The following SLC25A26 variants were observed in gnomAD, a reference collection of about 807,000 sequenced individuals.
SLC25A26 encodes the protein solute carrier family 25 member 26, also known as mitochondrial S-adenosylmethionine carrier protein.
In SLC25A26, 36 loss-of-function variants were observed where a neutral mutation model predicts 37.8. The observed-to-expected ratio is 0.95, with a 90% CI of 0.73 to 1.26. The LOEUF (loss-of-function observed/expected upper bound fraction) is 1.26, where lower values mean the gene tolerates loss of function less well. Ranked by LOEUF, SLC25A26 falls within the 50% of genes most tolerant of loss-of-function variation. SLC25A26 has a pLI of 0.00. For missense variants in SLC25A26, 390 were observed against 331.1 expected, an observed-to-expected ratio of 1.18 and a Z score of -1.38; for synonymous variants, 129 against 122.5, an observed-to-expected ratio of 1.05 and a Z score of -0.35.
intron 3 of SLC25A26, among the ~76,000 whole-genome samples, chr3:66,249,423 G>A (rs1203141955): frequency 6.6e-6 from 1 of 152,216 alleles, no homozygotes; most frequent in African/African-American, 2.4e-5. Context: ...CATAGATGCT[G>A]TGTGGTGTTT....
intron 3 of SLC25A26, among the ~76,000 whole-genome samples, chr3:66,247,106 C>T (rs1372343663): frequency 6.6e-6 from 1 of 151,954 alleles, no homozygotes; most frequent in Non-Finnish European, 1.5e-5. Context: ...CTTCGTGATC[C>T]GCCCACCTCA....
At chr3:66,315,719 G>T (rs1430934342) in intron 5 of SLC25A26, among the ~76,000 whole-genome samples, 1 of 152,120 alleles carries the variant, frequency 6.6e-6, no homozygotes, top group East Asian at 1.9e-4. Flanking sequence ...GGGTATTAAA[G>T]TCTCCCACTA....
chr3:66,209,693 A>G (rs1220771400), intron 1 of SLC25A26, among the ~76,000 whole-genome samples: 1 of 138,678 alleles, frequency 7.2e-6, no homozygotes, highest in Non-Finnish European at 1.5e-5. Flanking sequence ...ATATATAGGT[A>G]TATATAAATA....
At chr3:66,371,263 G>A (rs557814651) in intron 9 of SLC25A26, 94 of 1,547,322 alleles carry the variant, frequency 6.1e-5, no homozygotes, top group East Asian at 3.2e-4. Flanking sequence ...GCAGAGGGTC[G>A]GTCGGCAGCT....
chr3:66,280,230 T>G (rs897549571), intron 5 of SLC25A26, among the ~76,000 whole-genome samples: 2 of 152,212 alleles, frequency 1.3e-5, no homozygotes, highest in Non-Finnish European at 2.9e-5. Context: ...TCTTACCACA[T>G]TATTTTTCTG....
rs984238179 is a variant in SLC25A26, at chr3:66,297,336, A to G, written c.453+33957A>G. ...ACAGTGAAACTCCATCTCAAAAAAAAAAAAAAAAAAAAGAATGTCTGGCAT... is the reference window on the plus strand; with the variant it reads ...ACAGTGAAACTCCATCTCAAAAAAAGAAAAAAAAAAAAGAATGTCTGGCAT... On this transcript the variant is annotated intron_variant, in intron 5 of 9. Transcript: ENST00000354883. Among the ~76,000 whole-genome samples the G allele has an allele frequency of 3.6e-4, 54 of 152,014 alleles. 1 individual carries two copies. The South Asian group carries it at 9.6e-3, about 27-fold the overall frequency.
At chr3:66,230,968 A>G (rs2071998166) in intron 1 of SLC25A26, among the ~76,000 whole-genome samples, 1 of 152,194 alleles carries the variant, frequency 6.6e-6, no homozygotes, top group Non-Finnish European at 1.5e-5. Flanking sequence ...TGAGGTCAGG[A>G]GTTCAAAACC....
intron 5 of SLC25A26, among the ~76,000 whole-genome samples, chr3:66,302,041 T>G (rs905110360): frequency 5.3e-5 from 8 of 152,240 alleles, no homozygotes; most frequent in African/African-American, 9.6e-5. Flanking sequence ...ATTATTGTTG[T>G]GATGATAATG....
chr3:66,165,220 G>A (rs965607866), intron 1 of SLC25A26, among the ~76,000 whole-genome samples: 1 of 152,162 alleles, frequency 6.6e-6, no homozygotes, highest in Non-Finnish European at 1.5e-5. Context: ...TCATGCGAGT[G>A]AGCCGCCCTG....
intron 3 of SLC25A26, among the ~76,000 whole-genome samples, chr3:66,245,265 A>AAC (rs1299253220): frequency 6.6e-6 from 1 of 151,808 alleles, no homozygotes; most frequent in East Asian, 1.9e-4. Flanking sequence ...AAAAAAAAAA[A>AAC]AACAAAACCT....
chr3:66,140,856 G>C (rs2070022784), intron 1 of SLC25A26, among the ~76,000 whole-genome samples: 1 of 152,042 alleles, frequency 6.6e-6, no homozygotes, highest in Non-Finnish European at 1.5e-5. Context: ...AATGTCAAAG[G>C]CATGATTGAA....
intron 7 of SLC25A26, among the ~76,000 whole-genome samples, chr3:66,366,056 A>C (rs973901183): frequency 6.6e-6 from 1 of 152,212 alleles, no homozygotes; most frequent in African/African-American, 2.4e-5. Context: ...TTGTTCCCCA[A>C]GGAAATAGGA....
intron 1 of SLC25A26, among the ~76,000 whole-genome samples, chr3:66,224,850 A>G (rs954736647): frequency 6.6e-6 from 1 of 152,260 alleles, no homozygotes; most frequent in Non-Finnish European, 1.5e-5. Flanking sequence ...AGATTGGCCA[A>G]AATGAAGGGG....
chr3:66,328,820 A>C (rs1331241872), intron 5 of SLC25A26, among the ~76,000 whole-genome samples: 1 of 152,150 alleles, frequency 6.6e-6, no homozygotes, highest in Non-Finnish European at 1.5e-5. Flanking sequence ...AAATGGCACC[A>C]TTTAAAGTGT....
Position 66,262,145 on chromosome 3 carries a change from T to C in SLC25A26, c.395T>C (p.Leu132Ser). The change falls in exon 4 of 10, where the codon TTA becomes TCA. Residue 132 changes from leucine (L) to serine (S), a missense_variant. By Grantham distance (145) the Leu-to-Ser change is moderately radical (BLOSUM62 -2). Transcript: ENST00000354883. Reference sequence around the variant, plus strand: ...ACATTTCAGATTTTCTCTAACATCTTATATGAAGAGGTGAGATGGGTTTTT... The same window carrying C: ...ACATTTCAGATTTTCTCTAACATCTCATATGAAGAGGTGAGATGGGTTTTT... ...TRTFQIFSNI[L>S]YEEGIQGLYR... 6 of 1,543,850 alleles carry C rather than the reference T, an allele frequency of 3.9e-6. No individual in the cohort carries two copies. The highest frequency in any genetic ancestry group is 5.3e-6 in the Non-Finnish European group (6 of 1,136,694).
chr3:66,311,308 C>T (rs953522905), intron 5 of SLC25A26, among the ~76,000 whole-genome samples: 6 of 151,950 alleles, frequency 3.9e-5, no homozygotes, highest in Admixed American at 6.6e-5. Flanking sequence ...GTATGCTTCA[C>T]GAAATTCTCG....
chr3:66,254,604 C>G (rs764624474), intron 3 of SLC25A26, among the ~76,000 whole-genome samples: 1 of 152,212 alleles, frequency 6.6e-6, no homozygotes. Flanking sequence ...CCTTGAACCT[C>G]TAAGTGCATT....
chr3:66,220,671 G>A (rs1260106581), upstream of SLC25A26: 2 of 189,248 alleles, frequency 1.1e-5, no homozygotes, highest in South Asian at 1.3e-4. Flanking sequence ...CCCGAATCGC[G>A]CCTCCCGAGG....
rs145019335 is a variant in SLC25A26 at position 66,264,294 on chromosome 3, A to G, written c.453+915A>G. ...ACTCTGTCTCCAAAAAAAAAGAAAT[A>G]ACTACTAAGGGTAAGATATCAAGTT... On this transcript the variant is annotated intron_variant, in intron 5 of 9. Coordinates refer to ENST00000354883, the MANE Select transcript of SLC25A26 (RefSeq NM_001379210.1). Among the ~76,000 whole-genome samples, 143 of 152,180 alleles carry G rather than the reference A, an allele frequency of 9.4e-4. 1 individual carries two copies. Among genetic ancestry groups the G allele is most frequent in the African/African-American group, 3.2e-3 (132 of 41,524 alleles).
Sources: allele counts gnomAD v4.1 joint callset (sites outside exome capture counted in the v4.1 genomes callset), GRCh38; gene constraint gnomAD v4.1.1; transcripts MANE v1.5; gene names NCBI Gene and HGNC (gene_info 2026-07-23, HGNC 2026-07-21).